Variants in KCNMB3 observed in about 807,000 individuals in gnomAD.
KCNMB3 encodes the protein potassium calcium-activated channel subfamily M regulatory beta subunit 3, also known as calcium-activated potassium channel subunit beta-3.
In KCNMB3, 18 loss-of-function variants were observed where a neutral mutation model predicts 11.9. That is an observed-to-expected ratio of 1.51 (90% CI 1.04 to 2.23). The LOEUF is 2.23. Ranked by LOEUF, KCNMB3 falls within the 30% of genes most tolerant of loss-of-function variation. KCNMB3 has a pLI of 0.00. For missense variants in KCNMB3, 247 were observed against 329.4 expected (o/e 0.75, Z 1.94); for synonymous variants, 78 against 119.2 (o/e 0.65, Z 2.25).
At chr3:179,251,313 C>T, upstream of KCNMB3, 2 of 1,443,760 alleles carry the variant, frequency 1.4e-6, no homozygotes, top group Non-Finnish European at 1.8e-6. Flanking sequence ...CTTTGAATTC[C>T]ACATGGAAAG....
intron 1 of KCNMB3, among the ~76,000 whole-genome samples, chr3:179,263,011 G>A (rs1049728809): frequency 1.8e-4 from 27 of 152,246 alleles, no homozygotes; most frequent in Admixed American, 1.8e-3. Flanking sequence ...CCCGCACCGG[G>A]GCCACAGGTG....
chr3:179,260,456 G>A (rs1726169753), intron 1 of KCNMB3: 52 of 1,613,534 alleles, frequency 3.2e-5, no homozygotes, highest in Middle Eastern at 1.7e-4. Flanking sequence ...CCTTCACTGT[G>A]TCCTCTGTGT....
upstream of KCNMB3, chr3:179,251,151 T>C: frequency 1.2e-6 from 2 of 1,613,748 alleles, no homozygotes; most frequent in Non-Finnish European, 1.7e-6. Context: ...AAAGATATTG[T>C]AGCAAACAAG....
upstream of KCNMB3, among the ~76,000 whole-genome samples, chr3:179,255,277 G>T (rs946082247): frequency 6.6e-6 from 1 of 151,462 alleles, no homozygotes; most frequent in South Asian, 2.1e-4. Context: ...TGAGATCCAC[G>T]AAAAATTTCA....
chr3:179,241,537 C>CA (rs1576952905), downstream of KCNMB3: 2 of 153,826 alleles, frequency 1.3e-5, no homozygotes, highest in East Asian at 3.8e-4. Context: ...CATCTACATA[C>CA]AAAAGTAGCT....
chr3:179,241,360 T>A (rs1218692460), downstream of KCNMB3: 2 of 154,456 alleles, frequency 1.3e-5, no homozygotes, highest in Admixed American at 1.3e-4. Context: ...TAAATCCTAC[T>A]CTGAGACACA....
intron 1 of KCNMB3, among the ~76,000 whole-genome samples, chr3:179,263,986 A>G (rs1726303741): frequency 6.6e-6 from 1 of 150,712 alleles, no homozygotes; most frequent in Non-Finnish European, 1.5e-5. Flanking sequence ...TTTTGTTTTT[A>G]GTAGAAACGG....
downstream of KCNMB3, chr3:179,239,732 C>G: frequency 2.7e-6 from 1 of 365,600 alleles, no homozygotes; most frequent in East Asian, 4.0e-5. Flanking sequence ...TCAAGAAATT[C>G]GAACCACCCT....
At chr3:179,242,167 G>A (rs1180682237), downstream of KCNMB3, 1 of 152,290 alleles carries the variant, frequency 6.6e-6, no homozygotes, top group African/African-American at 2.4e-5. Context: ...GGCCAAGGCG[G>A]GCAAATCACC....
rs752392064 is a variant in KCNMB3 at position 179,244,561 on chromosome 3, G to T, written c.381C>A (p.Asn127Lys). 1.2e-6 allele frequency: 2 copies of T among 1,614,000 alleles called. No individual in the cohort carries two copies. Among genetic ancestry groups the T allele is most frequent in the Admixed American group, 1.7e-5 (1 of 59,996 alleles). The stretch of plus-strand genomic sequence containing the variant: ...GAGCTTTCTGACCTGGATGGCTGAG[G>T]TTCACAAACACCTGAAGACACGGGT... Reference protein sequence around the residue: ...GKYPCLQVFVNLSHPGQKALL... With the variant: ...GKYPCLQVFVKLSHPGQKALL... The change falls in exon 2 of 3, where the codon AAC becomes AAA. Residue 127 changes from asparagine (N) to lysine (K), a missense_variant. By Grantham distance (94) the Asn-to-Lys change is moderately conservative. Transcript: ENST00000392685.
chr3:179,260,622 A>G (rs1726175393), intron 1 of KCNMB3: 33 of 1,381,552 alleles, frequency 2.4e-5, no homozygotes, highest in Non-Finnish European at 3.4e-5. Flanking sequence ...GGATCTTGGT[A>G]TCAAACATTA....
At chr3:179,260,300 G>C in intron 1 of KCNMB3, 3 of 1,614,010 alleles carry the variant, frequency 1.9e-6, no homozygotes, top group Non-Finnish European at 8.5e-7. Flanking sequence ...TGTTTTCAGG[G>C]AGAGAAGCGC....
upstream of KCNMB3, among the ~76,000 whole-genome samples, chr3:179,254,422 G>A (rs1041309484): frequency 6.6e-6 from 1 of 152,186 alleles, no homozygotes; most frequent in Non-Finnish European, 1.5e-5. Context: ...TAAGAATTTC[G>A]TGTAATGTTG....
At chr3:179,258,028 G>A (rs1274603234) in intron 1 of KCNMB3, among the ~76,000 whole-genome samples, 1 of 152,160 alleles carries the variant, frequency 6.6e-6, no homozygotes, top group African/African-American at 2.4e-5. Flanking sequence ...GGGATTACAG[G>A]CGCCCACCAC....
At chr3:179,260,505 C>T (rs566648365) in intron 1 of KCNMB3, 2 of 1,605,802 alleles carry the variant, frequency 1.2e-6, no homozygotes, top group East Asian at 2.2e-5. Context: ...TTCTCTTTTC[C>T]CCACATTCGC....
In KCNMB3 at chr3:179,250,821, A is replaced by G. The variant is rs766845612; in HGVS notation, c.170T>C (p.Leu57Pro). The G allele has an allele frequency of 1.2e-6, 2 of 1,614,180 alleles. No individual in the cohort carries two copies. The highest frequency in any genetic ancestry group is 1.7e-6 in the Non-Finnish European group (2 of 1,180,034). ...SSAGEDRAVM[L>P]GFAMMGFSVL... is the part of the protein sequence containing the mutation. ...TGAGAAGCCCATCATGGCAAACCCC[A>G]GCATCACGGCTCGGTCCTCTCCAGC... Residue 57 changes from leucine to proline, a missense_variant, in exon 1 of 3, where the codon CTG becomes CCG. Transcript: ENST00000392685.
At chr3:179,260,078 T>A (rs997419175) in intron 1 of KCNMB3, 1 of 1,608,922 alleles carries the variant, frequency 6.2e-7, no homozygotes, top group Non-Finnish European at 8.5e-7. Context: ...CTACCATACA[T>A]CTGTCATCAT....
intron 1 of KCNMB3, among the ~76,000 whole-genome samples, chr3:179,261,587 G>C (rs1012098588): frequency 1.4e-5 from 2 of 145,748 alleles, no homozygotes; most frequent in Non-Finnish European, 3.0e-5. Context: ...CCCCACACTT[G>C]CAATTTTTTT....
rs762848191 is a variant in KCNMB3 at position 179,244,481 on chromosome 3, A to G, written c.447+14T>C. Reference sequence around the variant, plus strand: ...AGGGTTGCTGTCATAAGAACTCTTTAAACTTTACAATACCTTGGGATTTAT... The same window carrying G: ...AGGGTTGCTGTCATAAGAACTCTTTGAACTTTACAATACCTTGGGATTTAT... On this transcript the variant is annotated intron_variant, in intron 2 of 2. Transcript: ENST00000392685. 1 of 1,610,610 alleles carries G rather than the reference A, an allele frequency of 6.2e-7. No homozygotes were observed. Among genetic ancestry groups the G allele is most frequent in the South Asian group, 1.1e-5 (1 of 90,992 alleles).
Sources: gnomAD v4.1 joint callset for allele counts (sites outside exome capture counted in the v4.1 genomes callset) on GRCh38, gnomAD v4.1.1 for gene constraint, MANE v1.5 for transcripts, NCBI Gene and HGNC (gene_info 2026-07-23, HGNC 2026-07-21) for gene names.